GPC1: variants seen among roughly 807,000 people sequenced by gnomAD.
GPC1 encodes the protein glypican 1, also known as glypican-1.
In GPC1, 26 loss-of-function variants were observed where a neutral mutation model predicts 51.5. The observed-to-expected ratio is 0.50, with a 90% CI of 0.37 to 0.70. The LOEUF (loss-of-function observed/expected upper bound fraction) is 0.70, where lower values mean the gene tolerates loss of function less well. Among genes scored for constraint, GPC1 ranks in the 30% least tolerant of loss-of-function variants. The pLI is 0.00. For missense variants in GPC1, 775 were observed against 800.5 expected (o/e 0.97, Z 0.38); for synonymous variants, 380 against 348.3 (o/e 1.09, Z -1.01).
intron 1 of GPC1, among the ~76,000 whole-genome samples, chr2:240,446,757 G>C (rs1198068350): frequency 2.0e-5 from 3 of 152,198 alleles, no homozygotes; most frequent in East Asian, 3.9e-4. Flanking sequence ...CTGGGGGCCA[G>C]CTCATTGAGA....
Position 240,466,245 on chromosome 2 carries a change from C to A in GPC1, c.1632C>A (p.Leu544=), listed in dbSNP as rs2074260908. The part of the protein sequence containing the change: ...CPQPPTFLLP[L]LLFLALTVAR... ...AGCCCCCGACCTTCCTCCTGCCCCT[C>A]CTCCTCTTCCTGGCCCTTACAGTAG... The change falls in exon 9 of 9, where the codon CTC becomes CTA. Residue 544 remains leucine, a synonymous_variant. Transcript: ENST00000264039. The A allele has an allele frequency of 6.2e-7, 1 of 1,611,236 alleles. No homozygotes were observed. The highest frequency in any genetic ancestry group is 8.5e-7 in the Non-Finnish European group (1 of 1,178,046).
chr2:240,455,765 G>A (rs553650302), intron 1 of GPC1, among the ~76,000 whole-genome samples: 3 of 152,334 alleles, frequency 2.0e-5, no homozygotes, highest in South Asian at 2.1e-4. Context: ...TTGCTTTGCC[G>A]CCCTGCAGGG....
intron 1 of GPC1, among the ~76,000 whole-genome samples, chr2:240,447,991 G>A (rs2074063219): frequency 6.6e-6 from 1 of 152,290 alleles, no homozygotes; most frequent in South Asian, 2.1e-4. Flanking sequence ...GTGAGATGGT[G>A]GAAATGGCAA....
At chr2:240,447,486 G>T (rs776635889) in intron 1 of GPC1, among the ~76,000 whole-genome samples, 40 of 152,208 alleles carry the variant, frequency 2.6e-4, no homozygotes, top group Admixed American at 6.5e-4. Flanking sequence ...CACTGCCTGC[G>T]CCCCTGTCCC....
chr2:240,454,868 T>G (rs1208239730), intron 1 of GPC1: 1 of 180,380 alleles, frequency 5.5e-6, no homozygotes, highest in Non-Finnish European at 1.3e-5. Context: ...AGGCTGGGTC[T>G]GGACAAATGA....
At chr2:240,453,927 C>T (rs1165781850) in intron 1 of GPC1, among the ~76,000 whole-genome samples, 1 of 152,200 alleles carries the variant, frequency 6.6e-6, no homozygotes, top group Non-Finnish European at 1.5e-5. Flanking sequence ...CCTTAGCCGG[C>T]CTGGGGCGCG....
At position 240,466,087 on chromosome 2, in the gene GPC1, G is replaced by A; in HGVS notation, c.1474G>A (p.Asp492Asn). ...SDDGSGSGSG[D>N]GCLDDLCSRK... ...CGACGGCAGCGGCTCGGGCAGCGGT[G>A]ATGGCTGTCTGGATGACCTCTGCAG... The change falls in exon 9 of 9, where the codon GAT becomes AAT. Residue 492 changes from aspartate to asparagine, a missense_variant. Asp to Asn is a conservative substitution (Grantham distance 23). Transcript: ENST00000264039. 1 of 1,612,308 alleles carries A rather than the reference G, an allele frequency of 6.2e-7. No homozygotes were observed. Among genetic ancestry groups the A allele is most frequent in the Non-Finnish European group, 8.5e-7 (1 of 1,179,662 alleles).
At position 240,446,949 on chromosome 2, in the gene GPC1, C is replaced by G. The variant is rs191395939; in HGVS notation, c.166+10865C>G. On this transcript the variant is annotated intron_variant, in intron 1 of 8. Coordinates refer to ENST00000264039, the MANE Select transcript of GPC1 (RefSeq NM_002081.3). ...CATCAGAATCCGGGGTGGACTGGTG[C>G]CCCGAGCCCGAGCATCTCATCCATG... Among the ~76,000 whole-genome samples the G allele has an allele frequency of 1.1e-4, 17 of 152,266 alleles. 1 individual carries two copies. The highest frequency in any genetic ancestry group is 2.2e-4 in the Non-Finnish European group (15 of 68,026).
At chr2:240,449,313 G>GCACCCCCCC (rs2074075207) in intron 1 of GPC1, 1 of 140,956 alleles carries the variant, frequency 7.1e-6, no homozygotes, top group African/African-American at 2.8e-5. Flanking sequence ...TCCGGCAGGC[G>GCACCCCCCC]CCCCCCCCCA....
intron 2 of GPC1, among the ~76,000 whole-genome samples, chr2:240,459,928 T>G (rs908949804): frequency 2.6e-5 from 4 of 152,052 alleles, no homozygotes; most frequent in African/African-American, 9.7e-5. Context: ...ACTGCCCCTG[T>G]GTCCGGGCGG....
intron 1 of GPC1, among the ~76,000 whole-genome samples, chr2:240,447,571 T>C (rs941094443): frequency 6.6e-6 from 1 of 152,118 alleles, no homozygotes; most frequent in East Asian, 1.9e-4. Context: ...GAGGGCTGGC[T>C]CTCTTGAAGA....
At chr2:240,463,988 A>G (rs548860280) in intron 4 of GPC1, 4 of 213,508 alleles carry the variant, frequency 1.9e-5, no homozygotes, top group South Asian at 8.9e-5. Context: ...ATCAATGCCA[A>G]CACGTGTGTG....
intron 2 of GPC1, 93 bp downstream of exon 2, chr2:240,459,281 G>T (rs1430701475): frequency 2.5e-6 from 3 of 1,218,026 alleles, no homozygotes; most frequent in Non-Finnish European, 3.5e-6. Context: ...CAATGCCAAG[G>T]GTGGGGGATT....
chr2:240,456,249 T>G (rs188353786), intron 1 of GPC1, among the ~76,000 whole-genome samples: 366 of 151,750 alleles, frequency 2.4e-3, no homozygotes, highest in Middle Eastern at 3.4e-3. Context: ...TGGGGGGAGC[T>G]CCCATATCTT....
At chr2:240,452,947 G>A (rs2074114725) in intron 1 of GPC1, 2 of 315,978 alleles carry the variant, frequency 6.3e-6, no homozygotes, top group Non-Finnish European at 1.3e-5. Flanking sequence ...CCGCTCCGCC[G>A]CCTTTCCCCG....
intron 1 of GPC1, among the ~76,000 whole-genome samples, chr2:240,455,314 A>G (rs73102076): frequency 0.012 from 1,851 of 152,266 alleles, 24 homozygotes; most frequent in East Asian, 0.037. Context: ...GCGCTGTGGA[A>G]GGATGGGTCG....
At chr2:240,455,287 G>T (rs1449507976) in intron 1 of GPC1, among the ~76,000 whole-genome samples, 2 of 152,232 alleles carry the variant, frequency 1.3e-5, no homozygotes, top group African/African-American at 4.8e-5. Flanking sequence ...AAGTGTCCCA[G>T]TGACTGAGGG....
intron 1 of GPC1, among the ~76,000 whole-genome samples, chr2:240,438,433 G>A (rs535527143): frequency 3.3e-5 from 5 of 152,304 alleles, no homozygotes; most frequent in South Asian, 4.1e-4. Context: ...TCCGTGGAAC[G>A]GGCGCCCTCT....
At chr2:240,461,178 G>A (rs2074211977) in intron 2 of GPC1, among the ~76,000 whole-genome samples, 2 of 152,184 alleles carry the variant, frequency 1.3e-5, no homozygotes, top group South Asian at 4.1e-4. Context: ...ACAGCTGTGT[G>A]GCCCGTCCAC....
Sources: allele counts gnomAD v4.1 joint callset (sites outside exome capture counted in the v4.1 genomes callset), GRCh38; gene constraint gnomAD v4.1.1; transcripts MANE v1.5; gene names NCBI Gene and HGNC (gene_info 2026-07-23, HGNC 2026-07-21).